The following RYR2 variants were observed in gnomAD, a reference collection of about 807,000 sequenced individuals.
The protein encoded by RYR2 is ryanodine receptor 2, also known as cardiac muscle ryanodine receptor-calcium release channel.
A neutral mutation model predicts 601.1 loss-of-function variants in RYR2; 227 were observed. The observed-to-expected ratio is 0.38, with a 90% confidence interval of 0.34 to 0.42. The LOEUF is 0.42. RYR2 is among the 10% of genes least tolerant of loss of function. The pLI, the probability that RYR2 is intolerant of heterozygous loss-of-function variation, is 1.00. For missense variants in RYR2, 4,646 were observed against 6,156.5 expected, an observed-to-expected ratio of 0.75 and a Z score of 8.21; for synonymous variants, 2,223 against 2,175.1, an observed-to-expected ratio of 1.02 and a Z score of -0.61.
chr1:237,205,754 C>T (rs748153541), intron 1 of RYR2, among the ~76,000 whole-genome samples: 2 of 152,212 alleles, frequency 1.3e-5, no homozygotes, highest in Non-Finnish European at 2.9e-5. Context: ...GGGGCAAGGG[C>T]ACGGCTGGAG....
rs1426948296 is a variant in RYR2 at position 237,678,082 on chromosome 1, T to G, written c.8865T>G (p.Pro2955=). The change falls in exon 61 of 105, where the codon CCT becomes CCG. Residue 2955 remains proline, a synonymous_variant. Coordinates refer to ENST00000366574, the MANE Select transcript of RYR2 (RefSeq NM_001035.3). Reference sequence around the variant, plus strand: ...GCAGAGGCAAAGGAGAACATTTCCCTTATGAACAAGAAATCAAGTTCTTTG... The same window carrying G: ...GCAGAGGCAAAGGAGAACATTTCCCGTATGAACAAGAAATCAAGTTCTTTG... ...GGSRGKGEHF[P]YEQEIKFFAK... is the part of the protein sequence containing the mutation. The G allele has an allele frequency of 6.2e-7, 1 of 1,605,452 alleles. No homozygotes were observed. Among genetic ancestry groups the G allele is most frequent in the South Asian group, 1.1e-5 (1 of 90,178 alleles).
At chr1:237,567,415 C>CAAAAAAAAA (rs3057438) in intron 28 of RYR2, among the ~76,000 whole-genome samples, 13 of 111,956 alleles carry the variant, frequency 1.2e-4, no homozygotes, top group Non-Finnish European at 1.4e-4. Flanking sequence ...CCTGTCTCTA[C>CAAAAAAAAA]AAAAAAAAAA....
chr1:237,109,841 C>G lies in RYR2; in HGVS notation c.48+67272C>G, dbSNP rs182825215. 1.3e-3 allele frequency among the ~76,000 whole-genome samples: 195 copies of G among 152,018 alleles called. 1 individual carries two copies. The highest frequency in any genetic ancestry group is 2.4e-3 in the Non-Finnish European group (161 of 67,992). ...GATTACCTCTGTGAGGGCCTTTTTG[C>G]TTTAAATGTCACCTTCATGGTGTTC... is the stretch of plus-strand genomic sequence containing the variant. On this transcript the variant is annotated intron_variant, in intron 1 of 104. Transcript: ENST00000366574.
Position 237,806,157 on chromosome 1 carries a change from G to C in RYR2, c.14172G>C (p.Trp4724Cys), listed in dbSNP as rs780752317. ...FTDNSFLYLA[W>C]YMTMSVLGHY... is the part of the protein sequence containing the mutation. ...AATAGTCCTTCCTCTACCTAGCCTG[G>C]TATATGACTATGTCTGTTCTTGGAC... The change falls in exon 99 of 105, where the codon TGG becomes TGC. Residue 4724 changes from tryptophan to cysteine, a missense_variant. By Grantham distance (215) the Trp-to-Cys change is radical. Coordinates refer to ENST00000366574, the MANE Select transcript of RYR2 (RefSeq NM_001035.3). 9.9e-6 allele frequency: 16 copies of C among 1,613,420 alleles called. No individual in the cohort carries two copies. The highest frequency in any genetic ancestry group is 1.7e-4 in the Middle Eastern group (1 of 6,060).
intron 12 of RYR2, among the ~76,000 whole-genome samples, chr1:237,425,633 C>CAA (rs952288986): frequency 1.5e-4 from 21 of 136,114 alleles, no homozygotes; most frequent in Admixed American, 3.0e-4. Context: ...GACTCTGTCT[C>CAA]AAAAAAAAAA....
chr1:237,797,271 C>T (rs1659367245), intron 96 of RYR2, among the ~76,000 whole-genome samples: 1 of 151,782 alleles, frequency 6.6e-6, no homozygotes, highest in African/African-American at 2.4e-5. Flanking sequence ...AGCAAGGAAG[C>T]TGAAGGGGAT....
chr1:237,808,528 C>G (rs911565660), intron 99 of RYR2, among the ~76,000 whole-genome samples: 2 of 151,652 alleles, frequency 1.3e-5, no homozygotes, highest in Non-Finnish European at 2.9e-5. Context: ...GGTGTGGTGG[C>G]GCATGCCTAT....
intron 10 of RYR2, among the ~76,000 whole-genome samples, chr1:237,396,659 C>T (rs1572134029): frequency 6.6e-6 from 1 of 152,164 alleles, no homozygotes; most frequent in South Asian, 2.1e-4. Flanking sequence ...AAGACTAAAT[C>T]TAAGGCATTT....
At chr1:237,126,764 T>G (rs1277167490) in intron 1 of RYR2, among the ~76,000 whole-genome samples, 21 of 151,972 alleles carry the variant, frequency 1.4e-4, no homozygotes, top group Admixed American at 1.2e-3. Context: ...AATTTTTATT[T>G]TATTTTTTTT....
chr1:237,707,312 A>G (rs1322403595), intron 68 of RYR2, 43 bp downstream of exon 68: 2 of 1,065,194 alleles, frequency 1.9e-6, no homozygotes, highest in Non-Finnish European at 2.5e-6. Context: ...AATCTGTTTT[A>G]TTTCCAAAAG....
intron 71 of RYR2, among the ~76,000 whole-genome samples, chr1:237,713,815 A>G (rs1032635087): frequency 3.9e-5 from 6 of 152,108 alleles, no homozygotes; most frequent in Admixed American, 6.5e-5. Flanking sequence ...GCATTATACA[A>G]TTGTACTCTG....
At chr1:237,286,173 CTT>C (rs1234221137) in intron 2 of RYR2, among the ~76,000 whole-genome samples, 1 of 152,080 alleles carries the variant, frequency 6.6e-6, no homozygotes, top group Non-Finnish European at 1.5e-5. Context: ...GAACTTCCCT[CTT>C]AGCACCACCT....
rs922570061 is a variant in RYR2 at position 237,106,685 on chromosome 1, C to G, written c.48+64116C>G. 1.3e-5 allele frequency among the ~76,000 whole-genome samples: 2 copies of G among 152,138 alleles called. No homozygotes were observed. The highest frequency in any genetic ancestry group is 2.9e-5 in the Non-Finnish European group (2 of 68,034). On this transcript the variant is annotated intron_variant, in intron 1 of 104. Transcript: ENST00000366574. This position sits in a 1 kb window ranked among gnomAD's most constrained non-coding sequence, Gnocchi z 4.4. The stretch of plus-strand genomic sequence containing the variant: ...CAGTGTCCCTTTTTCAGACATGGCA[C>G]CTTCGTCCATTTGGGCTGCTATAAC...
At chr1:237,589,106 A>G (rs1299819795) in intron 29 of RYR2, among the ~76,000 whole-genome samples, 1 of 152,232 alleles carries the variant, frequency 6.6e-6, no homozygotes, top group Non-Finnish European at 1.5e-5. Context: ...ATATAAACAT[A>G]AGATTATATA....
chr1:237,756,090 C>T (rs1692928946), intron 80 of RYR2, among the ~76,000 whole-genome samples, 198 bp from the exon 81 acceptor site: 1 of 127,540 alleles, frequency 7.8e-6, no homozygotes, highest in Non-Finnish European at 1.7e-5. Context: ...AAAAACATAT[C>T]AAGAAAACTA....
chr1:237,555,726 T>G (rs1194139451), intron 27 of RYR2, among the ~76,000 whole-genome samples: 1 of 152,120 alleles, frequency 6.6e-6, no homozygotes, highest in Admixed American at 6.6e-5. Flanking sequence ...TTGACTCAAT[T>G]TTAAACTTAT....
intron 80 of RYR2, among the ~76,000 whole-genome samples, chr1:237,755,625 G>A (rs922436791): frequency 4.6e-5 from 7 of 152,028 alleles, no homozygotes; most frequent in African/African-American, 1.7e-4. Context: ...TTCAGTGGTA[G>A]CTTAAGTGGA....
At chr1:237,730,090 G>A (rs990541067) in intron 76 of RYR2, among the ~76,000 whole-genome samples, 170 bp from the exon 77 acceptor site, 4 of 152,104 alleles carry the variant, frequency 2.6e-5, no homozygotes, top group Non-Finnish European at 5.9e-5. Flanking sequence ...GTCACTGTGC[G>A]CTATGTTTGC....
chr1:237,050,291 C>T (rs965968609), intron 1 of RYR2, among the ~76,000 whole-genome samples: 1 of 152,116 alleles, frequency 6.6e-6, no homozygotes, highest in African/African-American at 2.4e-5. Flanking sequence ...CAGAAGAAAG[C>T]GAGTGGAACA....
Sources: gnomAD v4.1 joint callset for allele counts (sites outside exome capture counted in the v4.1 genomes callset) on GRCh38, gnomAD v4.1.1 for gene constraint, Gnocchi (gnomAD v3.1) non-coding constraint, MANE v1.5 for transcripts, NCBI Gene and HGNC (gene_info 2026-07-23, HGNC 2026-07-21) for gene names.